The following RASAL2 variants were observed in gnomAD, a reference collection of about 807,000 sequenced individuals.
The protein encoded by RASAL2 is RAS protein activator like 2, also known as ras GTPase-activating protein nGAP.
RASAL2 carries 58 observed loss-of-function variants against 128.9 expected under a neutral mutation model. The ratio of observed to expected loss-of-function variants is 0.45; its 90% confidence interval spans 0.36 to 0.56. The LOEUF (loss-of-function observed/expected upper bound fraction) is 0.56, where lower values mean the gene tolerates loss of function less well. Ranked by LOEUF, RASAL2 falls within the 20% of genes least tolerant of loss-of-function variation. The pLI, the probability that RASAL2 is intolerant of heterozygous loss-of-function variation, is 0.00. For missense variants in RASAL2, 1,360 were observed against 1,601.6 expected, an observed-to-expected ratio of 0.85 and a Z score of 2.57; for synonymous variants, 561 against 580.8, an observed-to-expected ratio of 0.97 and a Z score of 0.49.
intron 5 of RASAL2, among the ~76,000 whole-genome samples, chr1:178,435,439 C>T (rs949102577): frequency 6.6e-6 from 1 of 152,034 alleles, no homozygotes; most frequent in South Asian, 2.1e-4. Flanking sequence ...CATCTCCCAG[C>T]CCTTCACTTT....
At chr1:178,455,981 T>C (rs1677743200) in intron 12 of RASAL2, among the ~76,000 whole-genome samples, 1 of 152,386 alleles carries the variant, frequency 6.6e-6, no homozygotes, top group African/African-American at 2.4e-5. Context: ...TCAAAGTCTT[T>C]TTAACGGGCT....
chr1:178,369,450 C>T (rs1671585437), intron 3 of RASAL2, among the ~76,000 whole-genome samples: 1 of 151,596 alleles, frequency 6.6e-6, no homozygotes, highest in African/African-American at 2.4e-5. Flanking sequence ...TCTTGAACTC[C>T]TGACCTCAAG....
chr1:178,132,222 A>AT (rs1327266684), intron 1 of RASAL2, among the ~76,000 whole-genome samples: 3 of 146,850 alleles, frequency 2.0e-5, no homozygotes, highest in East Asian at 2.1e-4. Flanking sequence ...AAAAATTTTA[A>AT]ATTTTTTTTT....
intron 1 of RASAL2, among the ~76,000 whole-genome samples, chr1:178,212,811 T>C (rs1202971130): frequency 6.6e-6 from 1 of 152,158 alleles, no homozygotes; most frequent in Non-Finnish European, 1.5e-5. Context: ...TCTATCTAAC[T>C]CTTTAAATAT....
chr1:178,455,230 A>G (rs1677684783), intron 12 of RASAL2, among the ~76,000 whole-genome samples: 1 of 152,190 alleles, frequency 6.6e-6, no homozygotes, highest in Non-Finnish European at 1.5e-5. Context: ...AAGTAAATAT[A>G]CACCATGCCA....
chr1:178,456,955 C>T, intron 13 of RASAL2, 56 bp downstream of exon 13: 1 of 1,541,060 alleles, frequency 6.5e-7, no homozygotes. Context: ...TTAGATTTAG[C>T]AGAAGTATAT....
intron 4 of RASAL2, among the ~76,000 whole-genome samples, chr1:178,407,024 A>G (rs1363107091): frequency 6.6e-6 from 1 of 152,152 alleles, no homozygotes; most frequent in African/African-American, 2.4e-5. Flanking sequence ...CTGTGCCCCA[A>G]TCCCAAAGAT....
rs148781463 is a variant in RASAL2, at chr1:178,221,868, A to G, written c.203-61696A>G. Among the ~76,000 whole-genome samples, 6 of 152,268 alleles carry G rather than the reference A, an allele frequency of 3.9e-5. No homozygotes were observed. In the East Asian group the frequency reaches 1.2e-3, roughly 29 times the overall value. On this transcript the variant is annotated intron_variant, in intron 1 of 17. Coordinates refer to ENST00000367649, the MANE Select transcript of RASAL2 (RefSeq NM_170692.4). Reference sequence around the variant, plus strand: ...TGATAAGAGGGCTGTTAAAATTTCCAACTGTAATACTGGATTCATGTATTT... The same window carrying G: ...TGATAAGAGGGCTGTTAAAATTTCCGACTGTAATACTGGATTCATGTATTT...
At chr1:178,175,437 C>CATGTGT (rs71567181) in intron 1 of RASAL2, among the ~76,000 whole-genome samples, 3 of 144,334 alleles carry the variant, frequency 2.1e-5, no homozygotes, top group Admixed American at 6.9e-5. Flanking sequence ...TACATGGTTA[C>CATGTGT]GTGTGTGTGT....
At chr1:178,210,054 C>G (rs1663200083) in intron 1 of RASAL2, among the ~76,000 whole-genome samples, 1 of 151,976 alleles carries the variant, frequency 6.6e-6, no homozygotes, top group Admixed American at 6.6e-5. Flanking sequence ...AATTTTCTCC[C>G]TGTGACTGTT....
At chr1:178,329,440 T>C (rs1483338081) in intron 3 of RASAL2, among the ~76,000 whole-genome samples, 4 of 152,094 alleles carry the variant, frequency 2.6e-5, no homozygotes, top group Non-Finnish European at 5.9e-5. Flanking sequence ...TACAACCCCC[T>C]TGAAGGCACA....
intron 1 of RASAL2, among the ~76,000 whole-genome samples, chr1:178,282,112 G>T (rs767156000): frequency 3.3e-5 from 5 of 152,128 alleles, no homozygotes; most frequent in Non-Finnish European, 4.4e-5. Flanking sequence ...TGTGCATAGT[G>T]CGGAGGAGAT....
chr1:178,392,457 G>A (rs1314233138), intron 4 of RASAL2, among the ~76,000 whole-genome samples: 2 of 152,160 alleles, frequency 1.3e-5, no homozygotes, highest in South Asian at 2.1e-4. Flanking sequence ...AGGCCGGAAA[G>A]GTAGGTGGGG....
intron 3 of RASAL2, among the ~76,000 whole-genome samples, chr1:178,321,718 G>C (rs1476622622): frequency 1.3e-5 from 2 of 151,890 alleles, no homozygotes; most frequent in Non-Finnish European, 2.9e-5. Context: ...GTCGGGTGCA[G>C]TGGCTCACAT....
At chr1:178,427,500 AAAGT>A (rs1338680173) in intron 5 of RASAL2, among the ~76,000 whole-genome samples, 2 of 152,196 alleles carry the variant, frequency 1.3e-5, no homozygotes, top group African/African-American at 4.8e-5. Context: ...AAGATACCTG[AAAGT>A]AAGTATGGTG....
chr1:178,381,953 C>T (rs1234873927), intron 3 of RASAL2, among the ~76,000 whole-genome samples: 1 of 152,132 alleles, frequency 6.6e-6, no homozygotes, highest in Admixed American at 6.6e-5. Flanking sequence ...AAATACCAAA[C>T]TGAAGTTAAT....
intron 1 of RASAL2, among the ~76,000 whole-genome samples, chr1:178,136,493 T>C (rs1660327408): frequency 6.6e-6 from 1 of 152,080 alleles, no homozygotes; most frequent in African/African-American, 2.4e-5. Context: ...TGGTGGCTCA[T>C]GCCTGTAGTC....
chr1:178,378,845 C>T (rs577921226), intron 3 of RASAL2, among the ~76,000 whole-genome samples: 51 of 152,070 alleles, frequency 3.4e-4, no homozygotes, highest in South Asian at 8.3e-4. Flanking sequence ...ATGAGCTAAG[C>T]GTTTAACTCA....
At chr1:178,183,768 C>CA (rs1340197019) in intron 1 of RASAL2, among the ~76,000 whole-genome samples, 2 of 152,302 alleles carry the variant, frequency 1.3e-5, no homozygotes, top group East Asian at 3.9e-4. Flanking sequence ...GTATAAAATA[C>CA]ATCCATGTGT....
Sources: gnomAD v4.1 joint callset for allele counts (sites outside exome capture counted in the v4.1 genomes callset) on GRCh38, gnomAD v4.1.1 for gene constraint, MANE v1.5 for transcripts, NCBI Gene and HGNC (gene_info 2026-07-23, HGNC 2026-07-21) for gene names.